The following ONECUT2 variants were observed in gnomAD, a reference collection of about 807,000 sequenced individuals.
The protein encoded by ONECUT2 is one cut homeobox 2.
Under a neutral mutation model 27.9 loss-of-function variants are expected in ONECUT2, and 10 were observed. The ratio of observed to expected loss-of-function variants is 0.36; its 90% CI spans 0.22 to 0.61. The LOEUF (loss-of-function observed/expected upper bound fraction) is 0.61. Ranked by LOEUF, ONECUT2 falls within the 20% of genes least tolerant of loss-of-function variation. The pLI is 0.73. For synonymous variants in ONECUT2, 334 were observed against 315.1 expected (o/e 1.06, Z -0.64); for missense variants, 686 against 721.0 (o/e 0.95, Z 0.56).
In ONECUT2 at chr18:57,490,775, C is replaced by T. The variant is rs1014822246; in HGVS notation, c.*14052C>T. On this transcript the variant is annotated 3_prime_UTR_variant, in exon 2 of 2. Coordinates refer to ENST00000491143, the MANE Select transcript of ONECUT2 (RefSeq NM_004852.3). The stretch of plus-strand genomic sequence containing the variant: ...TCACGGGTATTATTGCCAAGAAAAT[C>T]GTAGGGAAAAACTTTAAACTTTTCT... 2 of 152,230 alleles carry T rather than the reference C, an allele frequency of 1.3e-5. No individual in the cohort carries two copies. The highest frequency in any genetic ancestry group is 1.5e-5 in the Non-Finnish European group (1 of 67,998). The allele number at this position is 152,230 out of a possible 1,614,324, so 9.4% of individuals were successfully genotyped here. A position where few individuals can be genotyped will look rare whatever the true frequency, so the allele number is the denominator to read the frequency against.
At position 57,484,177 on chromosome 18, in the gene ONECUT2, A is replaced by G. The variant is rs1435076212; in HGVS notation, c.*7454A>G. On this transcript the variant is annotated 3_prime_UTR_variant, in exon 2 of 2. Transcript: ENST00000491143. Reference sequence around the variant, plus strand: ...CTGTGTGTATGTAAAGCAACAAAACAAAAAAGGAAAAAAACAAAAAGCAGA... The same window carrying G: ...CTGTGTGTATGTAAAGCAACAAAACGAAAAAGGAAAAAAACAAAAAGCAGA... 6.6e-6 allele frequency: 1 copy of G among 152,622 alleles called. No homozygotes were observed. Among genetic ancestry groups the G allele is most frequent in the East Asian group, 1.9e-4 (1 of 5,200 alleles). 9.5% of individuals were successfully genotyped at this position (152,622 alleles called of 1,614,324 possible). A position where few individuals can be genotyped will look rare whatever the true frequency, so the allele number is the denominator to read the frequency against.
At chr18:57,448,108 T>C (rs556512119) in intron 1 of ONECUT2, among the ~76,000 whole-genome samples, 17 of 152,156 alleles carry the variant, frequency 1.1e-4, no homozygotes, top group African/African-American at 3.9e-4. Context: ...GGAGAGTCCT[T>C]TTGGTCAATG....
At chr18:57,468,443 G>A (rs1023957648) in intron 1 of ONECUT2, among the ~76,000 whole-genome samples, 5 of 152,210 alleles carry the variant, frequency 3.3e-5, no homozygotes, top group African/African-American at 1.2e-4. Context: ...AGTGGCCTTT[G>A]GTGATGCGTC....
intron 1 of ONECUT2, among the ~76,000 whole-genome samples, chr18:57,461,861 A>C (rs1299406281): frequency 6.6e-6 from 1 of 152,256 alleles, no homozygotes; most frequent in East Asian, 1.9e-4. Flanking sequence ...GGCAGTTAGA[A>C]GTTGGGCTGT....
intron 1 of ONECUT2, among the ~76,000 whole-genome samples, chr18:57,446,341 C>T (rs1312629259): frequency 3.9e-5 from 6 of 152,234 alleles, no homozygotes; most frequent in Non-Finnish European, 7.4e-5. Flanking sequence ...ATGTTCTCTT[C>T]ATTACTGTGC....
rs747773399 is a variant in ONECUT2 at position 57,436,244 on chromosome 18, GCACCACCACCACCACCAC to G, written c.537_554del (p.His179_His184del). The G allele has an allele frequency of 6.3e-7, 1 of 1,591,050 alleles. No individual in the cohort carries two copies. Among genetic ancestry groups the G allele is most frequent in the South Asian group, 1.1e-5 (1 of 88,644 alleles). ...ACCACCCTCACCCGCACCACCATCCGCACCACCACCACCACCACCACCACCAGCGCCTGTCCGGCAACG... is the reference window on the plus strand; with the variant it reads ...ACCACCCTCACCCGCACCACCATCCGCACCACCAGCGCCTGTCCGGCAACG... On this transcript the variant is annotated inframe_deletion, in exon 1 of 2. Coordinates refer to ENST00000491143, the MANE Select transcript of ONECUT2 (RefSeq NM_004852.3). This position sits in a 1 kb window ranked among gnomAD's most constrained non-coding sequence, Gnocchi z 5.9.
chr18:57,478,534 G>C lies in ONECUT2; in HGVS notation c.*1811G>C, dbSNP rs543031117. On this transcript the variant is annotated 3_prime_UTR_variant, in exon 2 of 2. Transcript: ENST00000491143. ...GAAAATAAACGAAAACAAAAACAGG[G>C]AGACACACTGTGTTCAAACAGACCT... 2 of 152,594 alleles carry C rather than the reference G, an allele frequency of 1.3e-5. No individual in the cohort carries two copies. The highest frequency in any genetic ancestry group is 4.8e-5 in the African/African-American group (2 of 41,442). 9.5% of individuals were successfully genotyped at this position (152,594 alleles called of 1,614,324 possible). A position where few individuals can be genotyped will look rare whatever the true frequency, so the allele number is the denominator to read the frequency against.
intron 1 of ONECUT2, among the ~76,000 whole-genome samples, chr18:57,475,842 CTGTT>C (rs2050379117): frequency 1.3e-5 from 2 of 152,104 alleles, no homozygotes; most frequent in Non-Finnish European, 2.9e-5. Flanking sequence ...CCTTGGTCTT[CTGTT>C]TGTTTTGTTC....
chr18:57,443,567 T>C (rs888626284), intron 1 of ONECUT2, among the ~76,000 whole-genome samples: 3 of 152,196 alleles, frequency 2.0e-5, no homozygotes, highest in Admixed American at 1.3e-4. Context: ...CCTCTGTGCC[T>C]TTGGGGGAAA....
rs767762485 is a variant in ONECUT2 at position 57,436,203 on chromosome 18, G to A, written c.487G>A (p.Val163Met). 20 of 1,606,754 alleles carry A rather than the reference G, an allele frequency of 1.2e-5. No homozygotes were observed. The South Asian group carries it at 1.9e-4, about 15-fold the overall frequency. Residue 163 changes from valine (V) to methionine (M), a missense_variant, in exon 1 of 2, where the codon GTG becomes ATG. Physicochemically the swap from Val to Met is conservative, Grantham distance 21 (BLOSUM62 1). Coordinates refer to ENST00000491143, the MANE Select transcript of ONECUT2 (RefSeq NM_004852.3). The surrounding 1 kb of genome is among the most constrained non-coding windows in gnomAD (Gnocchi z 5.9). Reference protein sequence around the residue: ...PLQPLPPISTVSDKFHHPHPH... With the variant: ...PLQPLPPISTMSDKFHHPHPH... Reference sequence around the variant, plus strand: ...CCAGCCGCTGCCACCCATCTCCACCGTGTCTGACAAGTTCCACCACCCTCA... The same window carrying A: ...CCAGCCGCTGCCACCCATCTCCACCATGTCTGACAAGTTCCACCACCCTCA...
intron 1 of ONECUT2, among the ~76,000 whole-genome samples, chr18:57,454,047 A>T (rs1310557564): frequency 4.6e-5 from 7 of 152,228 alleles, no homozygotes; most frequent in East Asian, 3.9e-4. Flanking sequence ...TAATTTTTTT[A>T]AAAAAATTGT....
intron 1 of ONECUT2, among the ~76,000 whole-genome samples, chr18:57,449,343 T>C (rs1004185143): frequency 6.6e-6 from 1 of 152,234 alleles, no homozygotes; most frequent in Non-Finnish European, 1.5e-5. Flanking sequence ...ATAAATACTT[T>C]TCTTTTATAT....
chr18:57,444,348 C>G, intron 1 of ONECUT2: 1 of 456,606 alleles, frequency 2.2e-6, no homozygotes, highest in Non-Finnish European at 4.4e-6. Context: ...CTTGAAGGAA[C>G]CTGTTTGACG....
intron 1 of ONECUT2, among the ~76,000 whole-genome samples, chr18:57,469,207 T>C (rs1485948090): frequency 6.6e-6 from 1 of 152,172 alleles, no homozygotes; most frequent in African/African-American, 2.4e-5. Context: ...CTCCCCACTT[T>C]GCACAAGCCT....
rs2050450531 is a variant in ONECUT2 at position 57,488,875 on chromosome 18, T to C, written c.*12152T>C. 1 of 138,320 alleles carries C rather than the reference T, an allele frequency of 7.2e-6. No individual in the cohort carries two copies. Among genetic ancestry groups the C allele is most frequent in the Non-Finnish European group, 1.7e-5 (1 of 60,478 alleles). The allele number at this position is 138,320 out of a possible 1,614,324, so 8.6% of individuals were successfully genotyped here. On this transcript the variant is annotated 3_prime_UTR_variant, in exon 2 of 2. Transcript: ENST00000491143. ...TGTATCTGTCAGCTTTAAAGAGAACTGGGCCAAAAATCTCTAACCTCACTC... is the reference window on the plus strand; with the variant it reads ...TGTATCTGTCAGCTTTAAAGAGAACCGGGCCAAAAATCTCTAACCTCACTC...
At chr18:57,450,404 C>T (rs1416131950) in intron 1 of ONECUT2, among the ~76,000 whole-genome samples, 1 of 152,176 alleles carries the variant, frequency 6.6e-6, no homozygotes. Context: ...AAACTCCTGA[C>T]CTTAAGTGAT....
intron 1 of ONECUT2, among the ~76,000 whole-genome samples, chr18:57,442,635 C>T (rs566815283): frequency 1.2e-4 from 19 of 152,128 alleles, no homozygotes; most frequent in Non-Finnish European, 1.9e-4. Flanking sequence ...CTGGCTCCCT[C>T]CCCACAGCCC....
In ONECUT2 at chr18:57,476,531, C is replaced by G. The variant is rs773847746; in HGVS notation, c.1323C>G (p.Leu441=). ...LVFTDLQRRT[L]FAIFKENKRP... ...TCACTGACCTCCAACGCCGAACACTCTTCGCCATCTTCAAGGAGAACAAAC... is the reference window on the plus strand; with the variant it reads ...TCACTGACCTCCAACGCCGAACACTGTTCGCCATCTTCAAGGAGAACAAAC... The change falls in exon 2 of 2, where the codon CTC becomes CTG. Residue 441 remains leucine, a synonymous_variant. Coordinates refer to ENST00000491143, the MANE Select transcript of ONECUT2 (RefSeq NM_004852.3). 2.5e-6 allele frequency: 4 copies of G among 1,614,248 alleles called. No individual in the cohort carries two copies. In the South Asian group the frequency reaches 4.4e-5, roughly 18 times the overall value.
chr18:57,457,718 A>G (rs1423358710), intron 1 of ONECUT2, among the ~76,000 whole-genome samples: 3 of 152,168 alleles, frequency 2.0e-5, no homozygotes, highest in South Asian at 2.1e-4. Context: ...ACTTGGAACC[A>G]ACCCAAATGT....
Sources: allele counts gnomAD v4.1 joint callset (sites outside exome capture counted in the v4.1 genomes callset), GRCh38; gene constraint gnomAD v4.1.1; non-coding constraint Gnocchi (gnomAD v3.1); transcripts MANE v1.5; gene names NCBI Gene and HGNC (gene_info 2026-07-23, HGNC 2026-07-21).